Variants in PDE2A observed in about 807,000 individuals in gnomAD.
The protein encoded by PDE2A is phosphodiesterase 2A, also known as cGMP-dependent 3',5'-cyclic phosphodiesterase.
Under a neutral mutation model 133.6 loss-of-function variants are expected in PDE2A, and 53 were observed. The observed-to-expected ratio is 0.40, with a 90% CI of 0.32 to 0.50. PDE2A has a LOEUF of 0.50. Among genes scored for constraint, PDE2A ranks in the 20% least tolerant of loss-of-function variants. The pLI, the probability that PDE2A is intolerant of heterozygous loss-of-function variation, is 0.73. For missense variants in PDE2A, 796 were observed against 1,232.4 expected (o/e 0.65, Z 5.30); for synonymous variants, 491 against 490.2 (o/e 1.00, Z -0.02).
At chr11:72,591,476 G>A in intron 6 of PDE2A, 120 bp from the exon 7 acceptor site, 1 of 729,870 alleles carries the variant, frequency 1.4e-6, no homozygotes, top group Non-Finnish European at 2.4e-6. Context: ...TCCAGTCTGT[G>A]GGCCTCAGTG....
rs1856533606 is a variant in PDE2A, at chr11:72,597,358, G to C, written c.433+152C>G. 1.7e-6 allele frequency: 1 copy of C among 587,846 alleles called. No homozygotes were observed. Among genetic ancestry groups the C allele is most frequent in the South Asian group, 2.0e-5 (1 of 49,380 alleles). 36.4% of individuals were successfully genotyped at this position (587,846 alleles called of 1,614,324 possible). On this transcript the variant is annotated intron_variant, in intron 5 of 30. Transcript: ENST00000334456. This position sits in a 1 kb window ranked among gnomAD's most constrained non-coding sequence, Gnocchi z 4.6. The stretch of plus-strand genomic sequence containing the variant: ...AGAGAATTTAGTAGTACAATAGAGA[G>C]AGAATTAGATGGAGGGACTGCTAGA...
chr11:72,637,824 G>A (rs1178892186), intron 2 of PDE2A, among the ~76,000 whole-genome samples: 1 of 152,246 alleles, frequency 6.6e-6, no homozygotes, highest in Non-Finnish European at 1.5e-5. Context: ...GTTGGAGAAA[G>A]TGGTGAGGGA....
intron 2 of PDE2A, among the ~76,000 whole-genome samples, chr11:72,629,056 T>A (rs1168354606): frequency 6.6e-6 from 1 of 151,954 alleles, no homozygotes; most frequent in Non-Finnish European, 1.5e-5. Flanking sequence ...GGGATGAGTG[T>A]GGGGATGGGG....
At chr11:72,662,130 G>A (rs1203635281) in intron 1 of PDE2A, among the ~76,000 whole-genome samples, 1 of 152,214 alleles carries the variant, frequency 6.6e-6, no homozygotes, top group Admixed American at 6.5e-5. Context: ...TCAGGCAGCT[G>A]GGGTCTGGAG....
Position 72,605,240 on chromosome 11 carries a change from C to G in PDE2A, c.235-14G>C. 1 of 1,574,904 alleles carries G rather than the reference C, an allele frequency of 6.3e-7. No homozygotes were observed. Among genetic ancestry groups the G allele is most frequent in the Non-Finnish European group, 8.7e-7 (1 of 1,150,986 alleles). On this transcript the variant is annotated splice_polypyrimidine_tract_variant and intron_variant, in intron 3 of 30. Coordinates refer to ENST00000334456, the MANE Select transcript of PDE2A (RefSeq NM_002599.5). ...GTAGACAGTTTCCTAGGACAGAAGG[C>G]ACTTATGAGACCCTGTGGAGAGGCC...
At chr11:72,619,236 A>C (rs908121878) in intron 2 of PDE2A, among the ~76,000 whole-genome samples, 13 of 152,194 alleles carry the variant, frequency 8.5e-5, no homozygotes, top group Admixed American at 2.0e-4. Context: ...TTGGAAATGA[A>C]AATTAAAATA....
At position 72,608,748 on chromosome 11, in the gene PDE2A, C is replaced by T. The variant is rs371203058; in HGVS notation, c.148G>A (p.Ala50Thr). 31 of 1,548,914 alleles carry T rather than the reference C, an allele frequency of 2.0e-5. No individual in the cohort carries two copies. The highest frequency in any genetic ancestry group is 2.4e-5 in the Non-Finnish European group (27 of 1,138,786). ...ATGACAGAGCCCAGACTCAGCAAGG[C>T]GTCCTGGAAGAGAGGAGAGGGCAGT... ...PQPCADSLQD[A>T]LLSLGSVIDI... Residue 50 changes from alanine to threonine, a missense_variant, in exon 3 of 31, where the codon GCC (alanine) becomes ACC (threonine). This residue lies in a region of PDE2A where 417 missense variants were observed against 475.3 expected (regional missense o/e 0.88). Coordinates refer to ENST00000334456, the MANE Select transcript of PDE2A (RefSeq NM_002599.5).
At chr11:72,609,202 G>C (rs1857099858) in intron 2 of PDE2A, among the ~76,000 whole-genome samples, 1 of 152,260 alleles carries the variant, frequency 6.6e-6, no homozygotes, top group South Asian at 2.1e-4. Context: ...TCTCCTATCT[G>C]TAAGTTGGAA....
chr11:72,650,335 C>T (rs1370766464), intron 1 of PDE2A, among the ~76,000 whole-genome samples: 2 of 151,914 alleles, frequency 1.3e-5, no homozygotes, highest in East Asian at 1.9e-4. Flanking sequence ...CCCCAAGAAA[C>T]TCTTCAGCAA....
Position 72,597,399 on chromosome 11 carries a change from AAAG to A in PDE2A, c.433+108_433+110del, listed in dbSNP as rs890533491. 8 of 642,306 alleles carry A rather than the reference AAAG, an allele frequency of 1.2e-5. No homozygotes were observed. In the East Asian group the frequency reaches 2.1e-4, roughly 17 times the overall value. The allele number at this position is 642,306 out of a possible 1,614,324, so 39.8% of individuals were successfully genotyped here. A position where few individuals can be genotyped will look rare whatever the true frequency, so the allele number is the denominator to read the frequency against. On this transcript the variant is annotated intron_variant, in intron 5 of 30. Coordinates refer to ENST00000334456, the MANE Select transcript of PDE2A (RefSeq NM_002599.5). This position sits in a 1 kb window ranked among gnomAD's most constrained non-coding sequence, Gnocchi z 4.6. ...GACTGCTAGAGACACAGAGCAAGAG[AAAG>A]AAGGAGACAGAGATGAAGAGGAATA... is the stretch of plus-strand genomic sequence containing the variant.
chr11:72,579,719 A>G (rs1292656381), intron 25 of PDE2A, 111 bp from the exon 26 acceptor site: 2 of 729,946 alleles, frequency 2.7e-6, no homozygotes, highest in East Asian at 2.5e-5. Flanking sequence ...AGGTCAGCAG[A>G]GCAGTCAGAA....
chr11:72,596,790 AAC>A (rs1856511397), intron 5 of PDE2A, 142 bp from the exon 6 acceptor site: 1 of 431,774 alleles, frequency 2.3e-6, no homozygotes, highest in Non-Finnish European at 4.0e-6. Flanking sequence ...AACCCACAGA[AAC>A]ACAGAGGCGG....
intron 6 of PDE2A, 107 bp downstream of exon 6, chr11:72,596,468 TCTCTCTCTCTCTCTCTCA>T (rs1346619717): frequency 4.1e-4 from 73 of 178,236 alleles, no homozygotes; most frequent in Middle Eastern, 5.9e-4. Context: ...TCTCTCTCTC[TCTCTCTCTCTCTCTCTCA>T]CACACACACA....
In PDE2A at chr11:72,584,585, G is replaced by A. The variant is rs140734261; in HGVS notation, c.1503C>T (p.Asn501=). Residue 501 remains asparagine, a synonymous_variant, in exon 18 of 31, where the codon AAC becomes AAT. Transcript: ENST00000334456. ...CGTTCTTGATGGGGAAGCAGAGGATGTTGCGCGTGCGGAAGCCGGTGCTGT... is the reference window on the plus strand; with the variant it reads ...CGTTCTTGATGGGGAAGCAGAGGATATTGCGCGTGCGGAAGCCGGTGCTGT... ...VDDSTGFRTR[N]ILCFPIKNEN... is the part of the protein sequence containing the mutation. 82 of 1,612,364 alleles carry A rather than the reference G, an allele frequency of 5.1e-5. No individual in the cohort carries two copies. The highest frequency in any genetic ancestry group is 3.8e-4 in the South Asian group (35 of 91,034).
intron 1 of PDE2A, among the ~76,000 whole-genome samples, chr11:72,667,397 T>C (rs1038789185): frequency 2.6e-5 from 4 of 152,178 alleles, no homozygotes; most frequent in Non-Finnish European, 5.9e-5. Context: ...GAAAATTTCC[T>C]CTGGCTTAAC....
chr11:72,651,215 C>T (rs201528125), intron 1 of PDE2A, among the ~76,000 whole-genome samples: 2 of 152,210 alleles, frequency 1.3e-5, no homozygotes, highest in East Asian at 3.8e-4. Context: ...AAGATTCTAA[C>T]ATTCTAATGT....
At chr11:72,587,236 C>A (rs341048) in intron 13 of PDE2A, among the ~76,000 whole-genome samples, 1 of 152,102 alleles carries the variant, frequency 6.6e-6, no homozygotes, top group Admixed American at 6.5e-5. Context: ...GGAAACACTT[C>A]GGAGGTCTTT....
At chr11:72,591,826 G>A (rs1305420152) in intron 6 of PDE2A, among the ~76,000 whole-genome samples, 2 of 152,336 alleles carry the variant, frequency 1.3e-5, no homozygotes, top group South Asian at 2.1e-4. Flanking sequence ...GAGGATGGAC[G>A]GGTGAATGAA....
chr11:72,644,249 A>T (rs1185868325), intron 1 of PDE2A, among the ~76,000 whole-genome samples: 1 of 152,196 alleles, frequency 6.6e-6, no homozygotes, highest in African/African-American at 2.4e-5. Context: ...GGAGAGGTGT[A>T]GAGTAAGTGA....
Sources: allele counts gnomAD v4.1 joint callset (sites outside exome capture counted in the v4.1 genomes callset), GRCh38; gene constraint gnomAD v4.1.1; regional missense constraint gnomAD v4.1.1; non-coding constraint Gnocchi (gnomAD v3.1); transcripts MANE v1.5; gene names NCBI Gene and HGNC (gene_info 2026-07-23, HGNC 2026-07-21).